Variants in ABHD17A observed in about 807,000 individuals in gnomAD.
ABHD17A encodes the protein abhydrolase domain containing 17A, depalmitoylase.
In ABHD17A, 10 loss-of-function variants were observed where a neutral mutation model predicts 26.8. That is an observed-to-expected ratio of 0.37 (90% CI 0.23 to 0.63). The LOEUF (loss-of-function observed/expected upper bound fraction) is 0.63, where lower values mean the gene tolerates loss of function less well. Among genes scored for constraint, ABHD17A ranks in the 30% least tolerant of loss-of-function variants. ABHD17A has a pLI of 0.61. For synonymous variants in ABHD17A, 167 were observed against 210.9 expected, an observed-to-expected ratio of 0.79 and a Z score of 1.80; for missense variants, 292 against 457.3, an observed-to-expected ratio of 0.64 and a Z score of 3.30.
chr19:1,878,814 T>A (rs1781656979), intron 3 of ABHD17A: 1 of 152,496 alleles, frequency 6.6e-6, no homozygotes. Context: ...AGCTGCCACC[T>A]GGATGTCACC....
At chr19:1,878,791 G>A (rs2145388997) in intron 3 of ABHD17A, 1 of 152,652 alleles carries the variant, frequency 6.6e-6, no homozygotes, top group South Asian at 2.1e-4. Context: ...ACCTGCTACA[G>A]GCAGGAGCCC....
Position 1,877,500 on chromosome 19 carries a change from C to A in ABHD17A, c.707+8G>T. On this transcript the variant is annotated splice_region_variant and intron_variant, in intron 4 of 4. Transcript: ENST00000292577. ...CGCCCCGCCCCCGTCCCCGCCCGGG[C>A]CGCTCACTTAGGGAAGGCGTCGAAG... 6.3e-7 allele frequency: 1 copy of A among 1,591,374 alleles called. No homozygotes were observed. Among genetic ancestry groups the A allele is most frequent in the Non-Finnish European group, 8.5e-7 (1 of 1,177,006 alleles).
At chr19:1,881,190 C>A (rs2012514928) in intron 2 of ABHD17A, 45 bp downstream of exon 2, 1 of 1,607,348 alleles carries the variant, frequency 6.2e-7, no homozygotes, top group East Asian at 2.2e-5. Flanking sequence ...AACGGGAGCC[C>A]CAAGAACAGG....
chr19:1,877,130 G>C lies in ABHD17A; in HGVS notation c.*70C>G. 2.1e-6 allele frequency: 3 copies of C among 1,460,246 alleles called. No individual in the cohort carries two copies. The highest frequency in any genetic ancestry group is 2.8e-6 in the Non-Finnish European group (3 of 1,084,092). The allele number at this position is 1,460,246 out of a possible 1,614,324, so 90.5% of individuals were successfully genotyped here. ...CCGGGGGGTCCACATGCAGCCCCTG[G>C]GTGGGGGCCGGCGCGGGGTGAGGTC... On this transcript the variant is annotated 3_prime_UTR_variant, in exon 5 of 5. Transcript: ENST00000292577.
rs114561056 is a variant in ABHD17A, at chr19:1,880,202, G to A, written c.333-87C>T. The A allele has an allele frequency of 9.2e-3, 13,453 of 1,454,964 alleles. 115 individuals are homozygous for A. Among genetic ancestry groups the A allele is most frequent in the African/African-American group, 0.044 (3,147 of 71,580 alleles). 90.1% of individuals were successfully genotyped at this position (1,454,964 alleles called of 1,614,324 possible). ...AGGATGCGTAGTGACAGCCCACCCC[G>A]GTGGCCAGCCATGCCCAGTGCCTCA... is the stretch of plus-strand genomic sequence containing the variant. On this transcript the variant is annotated intron_variant, in intron 2 of 4. Coordinates refer to ENST00000292577, the MANE Select transcript of ABHD17A (RefSeq NM_001130111.2). This position sits in a 1 kb window ranked among gnomAD's most constrained non-coding sequence, Gnocchi z 4.1.
intron 1 of ABHD17A, among the ~76,000 whole-genome samples, chr19:1,885,100 G>A (rs1047318991): frequency 2.6e-5 from 4 of 152,226 alleles, no homozygotes; most frequent in Non-Finnish European, 5.9e-5. Flanking sequence ...GCTCCCCGAA[G>A]GCAAGGGCCG....
chr19:1,882,446 G>C (rs1353283941), intron 1 of ABHD17A: 2 of 152,254 alleles, frequency 1.3e-5, no homozygotes, highest in African/African-American at 2.4e-5. Context: ...GCTGGAGCCA[G>C]GCCTGCTGAG....
rs563839010 is a variant in ABHD17A, at chr19:1,879,423, G to A, written c.527+498C>T. 231 of 180,912 alleles carry A rather than the reference G, an allele frequency of 1.3e-3. 1 individual carries two copies. Among genetic ancestry groups the A allele is most frequent in the Non-Finnish European group, 2.0e-3 (169 of 85,180 alleles). The allele number at this position is 180,912 out of a possible 1,614,324, so 11.2% of individuals were successfully genotyped here. ...ATCGAGGCTGGCCCAGACCTCGGAT[G>A]TGTGCTGCGGGTCTGCACCTTACCC... On this transcript the variant is annotated intron_variant, in intron 3 of 4. Transcript: ENST00000292577. This position sits in a 1 kb window ranked among gnomAD's most constrained non-coding sequence, Gnocchi z 7.6.
At position 1,877,082 on chromosome 19, in the gene ABHD17A, C is replaced by G; in HGVS notation, c.*118G>C. 3 of 777,438 alleles carry G rather than the reference C, an allele frequency of 3.9e-6. No individual in the cohort carries two copies. The highest frequency in any genetic ancestry group is 1.8e-5 in the South Asian group (1 of 55,110). The allele number at this position is 777,438 out of a possible 1,614,324, so 48.2% of individuals were successfully genotyped here. On this transcript the variant is annotated 3_prime_UTR_variant, in exon 5 of 5. Coordinates refer to ENST00000292577, the MANE Select transcript of ABHD17A (RefSeq NM_001130111.2). ...TGTACATCGTCCACAGCCCCTGGGT[C>G]GGGGCGGGGTCCCCTGGGCCGCCCG...
Position 1,879,620 on chromosome 19 carries a change from C to T in ABHD17A, c.527+301G>A, listed in dbSNP as rs560769612. On this transcript the variant is annotated intron_variant, in intron 3 of 4. Transcript: ENST00000292577. This position sits in a 1 kb window ranked among gnomAD's most constrained non-coding sequence, Gnocchi z 7.6. ...CAGACCACCACCCACTCCCTCCCGC[C>T]GGGTGGCATCCACACCCCTGTGACA... 2 of 473,674 alleles carry T rather than the reference C, an allele frequency of 4.2e-6. No homozygotes were observed. The highest frequency in any genetic ancestry group is 4.0e-5 in the East Asian group (1 of 25,150). The allele number at this position is 473,674 out of a possible 1,614,324, so 29.3% of individuals were successfully genotyped here.
intron 2 of ABHD17A, chr19:1,881,018 G>A (rs1340121851): frequency 6.2e-7 from 1 of 1,611,324 alleles, no homozygotes; most frequent in East Asian, 2.2e-5. Flanking sequence ...ATGCCAGCTG[G>A]GGATGGCCTC....
chr19:1,877,208 G>A lies in ABHD17A; in HGVS notation c.925C>T (p.Arg309Cys). The A allele has an allele frequency of 1.4e-6, 2 of 1,455,668 alleles. No homozygotes were observed. Among genetic ancestry groups the A allele is most frequent in the South Asian group, 2.4e-5 (2 of 83,528 alleles). The allele number at this position is 1,455,668 out of a possible 1,614,324, so 90.2% of individuals were successfully genotyped here. The change falls in exon 5 of 5, where the codon CGC (arginine) becomes TGC (cysteine). Residue 309 changes from arginine to cysteine, a missense_variant. Physicochemically the swap from Arg to Cys is radical, Grantham distance 180. Coordinates refer to ENST00000292577, the MANE Select transcript of ABHD17A (RefSeq NM_001130111.2). ...GCCGGTTGGGGCCGCCGCTAGGCGC[G>A]CTGGCTGGGCAGCTCCTGGGAGATG... is the stretch of plus-strand genomic sequence containing the variant. ...RFISQELPSQ[R>C]A
rs1339090343 is a variant in ABHD17A, at chr19:1,880,348, C to A, written c.333-233G>T. ...ACAGGACAGCTGGCAGGGGGACAGG[C>A]AGCCTGGGCTGCAGAGGCCAGCCAG... On this transcript the variant is annotated intron_variant, in intron 2 of 4. Coordinates refer to ENST00000292577, the MANE Select transcript of ABHD17A (RefSeq NM_001130111.2). The surrounding 1 kb of genome is among the most constrained non-coding windows in gnomAD (Gnocchi z 4.1). Among the ~76,000 whole-genome samples, 2 of 152,178 alleles carry A rather than the reference C, an allele frequency of 1.3e-5. No homozygotes were observed. The highest frequency in any genetic ancestry group is 2.9e-5 in the Non-Finnish European group (2 of 68,012).
At chr19:1,877,446 C>A (rs779224957) in intron 4 of ABHD17A, 21 bp from the exon 5 acceptor site, 8 of 1,565,456 alleles carry the variant, frequency 5.1e-6, no homozygotes, top group Non-Finnish European at 6.9e-6. Context: ...GTCGTGGAGC[C>A]GGTGAGACTT....
chr19:1,885,373 G>A lies in ABHD17A; in HGVS notation c.-260C>T, dbSNP rs1299784572. 6.6e-6 allele frequency: 1 copy of A among 151,662 alleles called. No homozygotes were observed. The allele number at this position is 151,662 out of a possible 1,614,324, so 9.4% of individuals were successfully genotyped here. On this transcript the variant is annotated 5_prime_UTR_variant, in exon 1 of 5. Transcript: ENST00000292577. ...TCACCACCCCGGCCCGCGCCCCCGG[G>A]CCCCAGGGCCGCGCTCCATGGCTCC...
intron 3 of ABHD17A, chr19:1,878,185 C>T (rs951343818): frequency 6.2e-6 from 1 of 160,984 alleles, no homozygotes; most frequent in Non-Finnish European, 1.4e-5. Flanking sequence ...GCTGTGTCCC[C>T]AAATGTCTCC....
intron 3 of ABHD17A, chr19:1,878,125 T>G: frequency 1.1e-5 from 2 of 180,306 alleles, no homozygotes; most frequent in Non-Finnish European, 2.4e-5. Flanking sequence ...GCGGACACTA[T>G]TCCTCCCTGC....
At position 1,880,409 on chromosome 19, in the gene ABHD17A, T is replaced by G. The variant is rs148103985; in HGVS notation, c.333-294A>C. On this transcript the variant is annotated intron_variant, in intron 2 of 4. Transcript: ENST00000292577. The surrounding 1 kb of genome is among the most constrained non-coding windows in gnomAD (Gnocchi z 4.1). ...GATTCCCATCTGTGAAGCGGGACAC[T>G]GGGACCATCGGTCGCATCCTCTCTC... Among the ~76,000 whole-genome samples the G allele has an allele frequency of 6.6e-6, 1 of 152,284 alleles. No homozygotes were observed. Among genetic ancestry groups the G allele is most frequent in the African/African-American group, 2.4e-5 (1 of 41,558 alleles).
chr19:1,881,559 C>T lies in ABHD17A; in HGVS notation c.8G>A (p.Gly3Glu), dbSNP rs1355748587. The part of the protein sequence containing the change: MN[G>E]LSLSELCCLF... Reference sequence around the variant, plus strand: ...GCAGCAGAGCTCACTCAGCGACAGCCCATTCATGGCGGGCGCCGCCCAGGC... The same window carrying T: ...GCAGCAGAGCTCACTCAGCGACAGCTCATTCATGGCGGGCGCCGCCCAGGC... Residue 3 changes from glycine (G) to glutamate (E), a missense_variant, in exon 2 of 5, where the codon GGG becomes GAG. Transcript: ENST00000292577. 9 of 1,597,382 alleles carry T rather than the reference C, an allele frequency of 5.6e-6. No homozygotes were observed. Among genetic ancestry groups the T allele is most frequent in the African/African-American group, 5.4e-5 (4 of 74,238 alleles).
Sources: gnomAD v4.1 joint callset for allele counts (sites outside exome capture counted in the v4.1 genomes callset) on GRCh38, gnomAD v4.1.1 for gene constraint, Gnocchi (gnomAD v3.1) non-coding constraint, MANE v1.5 for transcripts, NCBI Gene and HGNC (gene_info 2026-07-23, HGNC 2026-07-21) for gene names.